The following NRF1 variants were observed in gnomAD, a reference collection of about 807,000 sequenced individuals.
NRF1 encodes the protein alpha palindromic-binding protein.
Under a neutral mutation model 58.5 loss-of-function variants are expected in NRF1, and 5 were observed. That is an observed-to-expected ratio of 0.09 (90% confidence interval 0.04 to 0.18). The LOEUF is 0.18. Among genes scored for constraint, NRF1 ranks in the 10% least tolerant of loss-of-function variants. The pLI, the probability that NRF1 is intolerant of heterozygous loss-of-function variation, is 1.00. For missense variants in NRF1, 288 were observed against 657.7 expected (o/e 0.44, Z 6.15); for synonymous variants, 224 against 246.7 (o/e 0.91, Z 0.86).
chr7:129,741,920 A>G lies in NRF1; in HGVS notation c.1349-13098A>G, dbSNP rs528632074. Among the ~76,000 whole-genome samples, 42 of 152,338 alleles carry G rather than the reference A, an allele frequency of 2.8e-4. No individual in the cohort carries two copies. Among genetic ancestry groups the G allele is most frequent in the African/African-American group, 9.6e-4 (40 of 41,580 alleles). Reference sequence around the variant, plus strand: ...TGGCAGAAGCAGTAATCTGAACAGGATAAACATGCTTCCTCTTTGTGCGAT... The same window carrying G: ...TGGCAGAAGCAGTAATCTGAACAGGGTAAACATGCTTCCTCTTTGTGCGAT... On this transcript the variant is annotated intron_variant, in intron 10 of 10. Transcript: ENST00000393232. This position sits in a 1 kb window ranked among gnomAD's most constrained non-coding sequence, Gnocchi z 4.0.
intron 10 of NRF1, among the ~76,000 whole-genome samples, chr7:129,727,753 A>G (rs1394521643): frequency 6.6e-6 from 1 of 152,144 alleles, no homozygotes. Flanking sequence ...ACCATCATGG[A>G]AAGTTCTGAC....
At chr7:129,640,517 A>G (rs1044955041) in intron 1 of NRF1, among the ~76,000 whole-genome samples, 3 of 152,140 alleles carry the variant, frequency 2.0e-5, no homozygotes, top group Admixed American at 6.5e-5. Context: ...CTCTTAAAAG[A>G]CAAAACCCAA....
chr7:129,666,087 T>C (rs1430083471), intron 2 of NRF1, among the ~76,000 whole-genome samples: 1 of 152,252 alleles, frequency 6.6e-6, no homozygotes, highest in Non-Finnish European at 1.5e-5. Flanking sequence ...ACTTGAATAT[T>C]TGAATCATAT....
intron 2 of NRF1, among the ~76,000 whole-genome samples, chr7:129,659,227 C>T (rs890659392): frequency 4.0e-5 from 6 of 151,794 alleles, no homozygotes; most frequent in Non-Finnish European, 7.4e-5. Context: ...TACAGGTGTG[C>T]GTCACCATGC....
chr7:129,685,601 G>GTGTGTA (rs1802427716), intron 4 of NRF1, among the ~76,000 whole-genome samples: 2 of 130,994 alleles, frequency 1.5e-5, no homozygotes, highest in African/African-American at 5.4e-5. Flanking sequence ...GTGTGTGTGT[G>GTGTGTA]TGTATGAAAA....
At chr7:129,646,770 T>TG (rs1801413879) in intron 1 of NRF1, among the ~76,000 whole-genome samples, 2 of 152,160 alleles carry the variant, frequency 1.3e-5, no homozygotes, top group South Asian at 4.1e-4. Flanking sequence ...AAAACATGGT[T>TG]GGCAGGCTCA....
chr7:129,749,513 G>A (rs1300234839), intron 10 of NRF1, among the ~76,000 whole-genome samples: 1 of 151,830 alleles, frequency 6.6e-6, no homozygotes, highest in Admixed American at 6.6e-5. Context: ...TTCTTCCAGA[G>A]ATTTGGGTCC....
chr7:129,670,938 T>G (rs919225808), intron 2 of NRF1, among the ~76,000 whole-genome samples: 1 of 152,246 alleles, frequency 6.6e-6, no homozygotes, highest in African/African-American at 2.4e-5. Flanking sequence ...CTCCTTTAGG[T>G]GTTGTTGGAG....
intron 3 of NRF1, among the ~76,000 whole-genome samples, chr7:129,675,465 A>G (rs1045750525): frequency 6.6e-6 from 1 of 152,242 alleles, no homozygotes; most frequent in Non-Finnish European, 1.5e-5. Flanking sequence ...CATCAGAGGA[A>G]TCACTATAGC....
intron 4 of NRF1, among the ~76,000 whole-genome samples, chr7:129,681,477 G>T (rs925177278): frequency 6.6e-6 from 1 of 152,176 alleles, no homozygotes; most frequent in East Asian, 1.9e-4. Flanking sequence ...ATAAATCATG[G>T]ATCACGGCAT....
intron 1 of NRF1, among the ~76,000 whole-genome samples, chr7:129,619,517 T>TATATATATATG (rs1554401553): frequency 7.4e-6 from 1 of 134,804 alleles, no homozygotes; most frequent in African/African-American, 2.8e-5. Flanking sequence ...TATATATGTA[T>TATATATATATG]TGTTTTGCTG....
chr7:129,628,204 C>T (rs565677956), intron 1 of NRF1, among the ~76,000 whole-genome samples: 120 of 151,488 alleles, frequency 7.9e-4, no homozygotes, highest in Middle Eastern at 6.9e-3. Flanking sequence ...CCACCACGCC[C>T]GGCTAATTTT....
chr7:129,727,897 GC>G (rs1486459672), intron 10 of NRF1, among the ~76,000 whole-genome samples: 1 of 152,160 alleles, frequency 6.6e-6, no homozygotes, highest in Non-Finnish European at 1.5e-5. Context: ...TTTGGATTTA[GC>G]CAATTACATG....
intron 3 of NRF1, among the ~76,000 whole-genome samples, chr7:129,672,573 G>A (rs1802072317): frequency 6.6e-6 from 1 of 152,138 alleles, no homozygotes; most frequent in Admixed American, 6.5e-5. Context: ...AACCAACATG[G>A]CAGCATCATG....
At chr7:129,698,341 G>T (rs4440554) in intron 5 of NRF1, among the ~76,000 whole-genome samples, 4 of 111,244 alleles carry the variant, frequency 3.6e-5, no homozygotes, top group South Asian at 3.5e-4. Context: ...GCAGGGGGGT[G>T]GGGGGTGGGT....
intron 2 of NRF1, among the ~76,000 whole-genome samples, chr7:129,661,245 T>A (rs1801773976): frequency 6.6e-6 from 1 of 151,360 alleles, no homozygotes; most frequent in South Asian, 2.1e-4. Context: ...GAGGGGCTAC[T>A]GTGAAGACCT....
intron 1 of NRF1, among the ~76,000 whole-genome samples, chr7:129,626,366 G>A (rs963501406): frequency 1.3e-5 from 2 of 152,018 alleles, no homozygotes; most frequent in Admixed American, 1.3e-4. Context: ...TTGCGTTCTG[G>A]ACATCATTTA....
intron 1 of NRF1, chr7:129,633,317 A>T (rs1360029251): frequency 6.6e-6 from 1 of 152,352 alleles, no homozygotes; most frequent in East Asian, 1.9e-4. Flanking sequence ...TAAAAAGCCT[A>T]CAAGTATTTC....
At chr7:129,667,902 G>T (rs4348430) in intron 2 of NRF1, among the ~76,000 whole-genome samples, 2 of 151,916 alleles carry the variant, frequency 1.3e-5, no homozygotes, top group East Asian at 3.9e-4. Flanking sequence ...CCAAGTAGCT[G>T]GGACCTCAGG....
Sources: gnomAD v4.1 joint callset for allele counts (sites outside exome capture counted in the v4.1 genomes callset) on GRCh38, gnomAD v4.1.1 for gene constraint, Gnocchi (gnomAD v3.1) non-coding constraint, MANE v1.5 for transcripts, NCBI Gene and HGNC (gene_info 2026-07-23, HGNC 2026-07-21) for gene names.